Variants in MMP16 observed in about 807,000 individuals in gnomAD.
The protein encoded by MMP16 is matrix metallopeptidase 16.
In MMP16, 12 loss-of-function variants were observed where a neutral mutation model predicts 67.8. That is an observed-to-expected ratio of 0.18 (90% CI 0.11 to 0.29). The LOEUF is 0.29. Ranked by LOEUF, MMP16 falls within the 10% of genes least tolerant of loss-of-function variation. The pLI, the probability that MMP16 is intolerant of heterozygous loss-of-function variation, is 1.00. For synonymous variants in MMP16, 249 were observed against 255.9 expected, an observed-to-expected ratio of 0.97 and a Z score of 0.26; for missense variants, 475 against 765.7, an observed-to-expected ratio of 0.62 and a Z score of 4.48.
chr8:88,204,343 T>C (rs1412936356), intron 1 of MMP16, among the ~76,000 whole-genome samples: 1 of 152,188 alleles, frequency 6.6e-6, no homozygotes, highest in Non-Finnish European at 1.5e-5. Context: ...CAGCTAATGA[T>C]GCAACTTCTC....
intron 1 of MMP16, among the ~76,000 whole-genome samples, chr8:88,225,589 C>CATTT (rs1757477974): frequency 6.6e-6 from 1 of 151,854 alleles, no homozygotes; most frequent in South Asian, 2.1e-4. Flanking sequence ...ACATCATGAT[C>CATTT]ATTTCCATGT....
In MMP16 at chr8:88,074,713, T is replaced by C. The variant is rs781263778; in HGVS notation, c.1114A>G (p.Arg372Gly). 6.2e-7 allele frequency: 1 copy of C among 1,613,162 alleles called. No individual in the cohort carries two copies. Among genetic ancestry groups the C allele is most frequent in the South Asian group, 1.1e-5 (1 of 91,006 alleles). Residue 372 changes from arginine to glycine, a missense_variant, in exon 7 of 10, where the codon AGG becomes GGG. Transcript: ENST00000286614. ...DQWFWRVRNN[R>G]VMDGYPMQIT... The stretch of plus-strand genomic sequence containing the variant: ...TGCATTGGGTATCCATCCATCACCC[T>C]GTTGTTTCTCACTCGCCAAAACCAC...
rs942927917 is a variant in MMP16 at position 88,243,499 on chromosome 8, G to A, written c.133-46193C>T. On this transcript the variant is annotated intron_variant, in intron 1 of 9. Transcript: ENST00000286614. Reference sequence around the variant, plus strand: ...AGACCAAAGATACTTAATTCCTGTCGTATATATTCTAATTTGTTTCCAGTC... The same window carrying A: ...AGACCAAAGATACTTAATTCCTGTCATATATATTCTAATTTGTTTCCAGTC... Among the ~76,000 whole-genome samples the A allele has an allele frequency of 5.9e-5, 9 of 152,206 alleles. No individual in the cohort carries two copies. In the East Asian group the frequency reaches 7.7e-4, roughly 13 times the overall value.
intron 2 of MMP16, among the ~76,000 whole-genome samples, chr8:88,189,309 T>C (rs1042223832): frequency 1.3e-5 from 2 of 152,174 alleles, no homozygotes; most frequent in African/African-American, 4.8e-5. Context: ...TCAGCTCTAA[T>C]GTTATATGTA....
intron 4 of MMP16, among the ~76,000 whole-genome samples, chr8:88,133,623 A>G (rs1228800377): frequency 6.6e-6 from 1 of 151,894 alleles, no homozygotes; most frequent in African/African-American, 2.4e-5. Flanking sequence ...TTATGCAGAC[A>G]TATTTTCATA....
At chr8:88,126,706 A>T (rs769033742) in intron 4 of MMP16, among the ~76,000 whole-genome samples, 19 of 151,804 alleles carry the variant, frequency 1.3e-4, no homozygotes, top group Non-Finnish European at 2.4e-4. Flanking sequence ...ATATATATCA[A>T]AAATAAAAGA....
At chr8:88,208,186 C>T (rs1809458702) in intron 1 of MMP16, among the ~76,000 whole-genome samples, 1 of 7,282 alleles carries the variant, frequency 1.4e-4, no homozygotes. Flanking sequence ...AGGAAGAGAA[C>T]CAGCACCAAG....
intron 6 of MMP16, among the ~76,000 whole-genome samples, chr8:88,090,406 GT>G (rs1404330788): frequency 6.6e-6 from 1 of 151,886 alleles, no homozygotes; most frequent in East Asian, 1.9e-4. Flanking sequence ...TATTCTTCCT[GT>G]GGAAAATTAA....
intron 1 of MMP16, among the ~76,000 whole-genome samples, chr8:88,285,871 A>G (rs1585999644): frequency 6.6e-6 from 1 of 152,298 alleles, no homozygotes; most frequent in Non-Finnish European, 1.5e-5. Context: ...GCATTCCTCA[A>G]ATAAAACGTT....
At chr8:88,155,806 T>G (rs1235232565) in intron 4 of MMP16, among the ~76,000 whole-genome samples, 1 of 152,158 alleles carries the variant, frequency 6.6e-6, no homozygotes, top group Non-Finnish European at 1.5e-5. Flanking sequence ...TTTCCAATAT[T>G]GTTTTTCTGG....
chr8:88,201,880 G>C, intron 1 of MMP16, among the ~76,000 whole-genome samples: 1 of 151,986 alleles, frequency 6.6e-6, no homozygotes, highest in East Asian at 1.9e-4. Flanking sequence ...TATACTTACT[G>C]GTTTTAAAAA....
intron 6 of MMP16, among the ~76,000 whole-genome samples, chr8:88,104,981 G>A (rs1809212208): frequency 6.6e-6 from 1 of 151,466 alleles, no homozygotes; most frequent in South Asian, 2.1e-4. Context: ...ATTTAGTGTA[G>A]CCTAAGTATA....
At chr8:88,109,691 C>T (rs947745248) in intron 6 of MMP16, among the ~76,000 whole-genome samples, 8 of 151,138 alleles carry the variant, frequency 5.3e-5, no homozygotes, top group Admixed American at 1.3e-4. Flanking sequence ...TGAAACGAAA[C>T]TTTGCTTATT....
At chr8:88,148,107 T>C (rs75038781) in intron 4 of MMP16, among the ~76,000 whole-genome samples, 2,271 of 152,300 alleles carry the variant, frequency 0.015, 43 homozygotes, top group African/African-American at 0.051. Context: ...TGCTATTCAA[T>C]TTAATTGTTA....
intron 1 of MMP16, among the ~76,000 whole-genome samples, chr8:88,282,822 CAT>C (rs1312815530): frequency 6.6e-6 from 1 of 152,146 alleles, no homozygotes; most frequent in Non-Finnish European, 1.5e-5. Context: ...AATCTATTAA[CAT>C]AGGGTATTAT....
intron 1 of MMP16, among the ~76,000 whole-genome samples, chr8:88,270,505 C>T (rs188855598): frequency 6.6e-6 from 1 of 152,220 alleles, no homozygotes; most frequent in African/African-American, 2.4e-5. Flanking sequence ...CAAAAATATT[C>T]ACAGATATCC....
chr8:88,310,497 T>G (rs1048852081), intron 1 of MMP16, among the ~76,000 whole-genome samples: 1 of 152,024 alleles, frequency 6.6e-6, no homozygotes, highest in Admixed American at 6.6e-5. Flanking sequence ...TTGAAATGGA[T>G]CAGAAAATAC....
intron 1 of MMP16, among the ~76,000 whole-genome samples, chr8:88,290,666 C>T (rs958618453): frequency 6.6e-6 from 1 of 152,124 alleles, no homozygotes. Flanking sequence ...CAACCTTGAC[C>T]TCCTAGGTTC....
Position 88,318,239 on chromosome 8 carries a change from T to G in MMP16, c.132+8836A>C, listed in dbSNP as rs149739316. Among the ~76,000 whole-genome samples the G allele has an allele frequency of 4.7e-3, 717 of 152,320 alleles. 7 individuals are homozygous for G. Among genetic ancestry groups the G allele is most frequent in the African/African-American group, 0.016 (681 of 41,578 alleles). On this transcript the variant is annotated intron_variant, in intron 1 of 9. Transcript: ENST00000286614. ...AATCAGATTTAATGGTAAACTGCAA[T>G]ATAACAAATAATTGACAAATAAAAT...
Sources: allele counts gnomAD v4.1 joint callset (sites outside exome capture counted in the v4.1 genomes callset), GRCh38; gene constraint gnomAD v4.1.1; transcripts MANE v1.5; gene names NCBI Gene and HGNC (gene_info 2026-07-23, HGNC 2026-07-21).